WDR70: variants seen among roughly 807,000 people sequenced by gnomAD.
WDR70 encodes WD repeat-containing protein 70.
WDR70 carries 53 observed loss-of-function variants against 88.6 expected under a neutral mutation model. The ratio of observed to expected loss-of-function variants is 0.60; its 90% CI spans 0.48 to 0.75. WDR70 has a LOEUF of 0.75. WDR70 is among the 30% of genes least tolerant of loss of function. The probability of loss-of-function intolerance (pLI) is 0.00; values close to 1 mark genes in which losing one functional copy is unlikely to be tolerated. For synonymous variants in WDR70, 280 were observed against 270.0 expected (o/e 1.04, Z -0.36); for missense variants, 610 against 823.2 (o/e 0.74, Z 3.17).
At chr5:37,504,849 T>C (rs1740512430) in intron 8 of WDR70, among the ~76,000 whole-genome samples, 2 of 152,220 alleles carry the variant, frequency 1.3e-5, no homozygotes, top group African/African-American at 4.8e-5. Flanking sequence ...AGAACCCATT[T>C]GGACACAGCT....
chr5:37,521,500 TCCC>T (rs1216445429), intron 9 of WDR70, among the ~76,000 whole-genome samples: 1 of 152,084 alleles, frequency 6.6e-6, no homozygotes, highest in African/African-American at 2.4e-5. Context: ...CGCCACCGTT[TCCC>T]CCAAGTCCCC....
At chr5:37,707,531 A>G (rs1317957396) in intron 13 of WDR70, among the ~76,000 whole-genome samples, 1 of 152,226 alleles carries the variant, frequency 6.6e-6, no homozygotes, top group Non-Finnish European at 1.5e-5. Context: ...CTGCTATAAC[A>G]TCTAGCATAA....
intron 8 of WDR70, among the ~76,000 whole-genome samples, chr5:37,490,031 G>T (rs1740018896): frequency 6.6e-6 from 1 of 152,062 alleles, no homozygotes; most frequent in South Asian, 2.1e-4. Flanking sequence ...TGGGACGGGG[G>T]CAATTCCTAG....
At chr5:37,468,805 A>C (rs1301987602) in intron 7 of WDR70, among the ~76,000 whole-genome samples, 1 of 152,230 alleles carries the variant, frequency 6.6e-6, no homozygotes, top group East Asian at 1.9e-4. Flanking sequence ...TCCTTACACA[A>C]TATAGTACAA....
At chr5:37,392,624 G>T (rs776160482) in intron 4 of WDR70, among the ~76,000 whole-genome samples, 3 of 152,114 alleles carry the variant, frequency 2.0e-5, no homozygotes, top group African/African-American at 7.2e-5. Context: ...GATAACAGGT[G>T]TCAGCTACTG....
intron 5 of WDR70, among the ~76,000 whole-genome samples, chr5:37,425,907 A>G (rs1254979976): frequency 6.6e-6 from 1 of 152,202 alleles, no homozygotes; most frequent in Non-Finnish European, 1.5e-5. Flanking sequence ...GTGATAGGGA[A>G]GATTGTAAAT....
At chr5:37,549,185 A>G (rs1742075073) in intron 9 of WDR70, among the ~76,000 whole-genome samples, 1 of 152,196 alleles carries the variant, frequency 6.6e-6, no homozygotes, top group Non-Finnish European at 1.5e-5. Context: ...TGTCATTGGT[A>G]TTTCGATAGG....
intron 9 of WDR70, among the ~76,000 whole-genome samples, chr5:37,527,099 A>G (rs1230284485): frequency 6.6e-6 from 1 of 152,080 alleles, no homozygotes; most frequent in Non-Finnish European, 1.5e-5. Context: ...CAAGCTACCA[A>G]TGACTTTCTT....
chr5:37,555,811 T>C (rs771887286), intron 9 of WDR70, among the ~76,000 whole-genome samples: 7 of 152,122 alleles, frequency 4.6e-5, no homozygotes, highest in South Asian at 2.1e-4. Context: ...CTCCACCTCC[T>C]GGGTTCAAGC....
chr5:37,746,369 A>G (rs1748637834), intron 17 of WDR70, among the ~76,000 whole-genome samples: 1 of 152,214 alleles, frequency 6.6e-6, no homozygotes, highest in South Asian at 2.1e-4. Context: ...TAAAAGAGCT[A>G]GAGCGGCAAG....
intron 10 of WDR70, among the ~76,000 whole-genome samples, chr5:37,671,040 T>C (rs770107716): frequency 2.0e-5 from 3 of 152,224 alleles, no homozygotes; most frequent in Non-Finnish European, 4.4e-5. Flanking sequence ...ATTTTTTAAA[T>C]CTTGGCATAT....
chr5:37,526,252 G>T (rs139020677), intron 9 of WDR70, among the ~76,000 whole-genome samples: 73 of 152,194 alleles, frequency 4.8e-4, no homozygotes, highest in Non-Finnish European at 8.5e-4. Context: ...CTGACAAACC[G>T]AATCCAGCAG....
intron 9 of WDR70, among the ~76,000 whole-genome samples, chr5:37,587,465 G>A (rs1460548198): frequency 2.0e-5 from 3 of 151,500 alleles, no homozygotes; most frequent in African/African-American, 4.9e-5. Flanking sequence ...TCTCTAGTCT[G>A]TAAATTTCAG....
chr5:37,674,193 C>G (rs1399795578), intron 10 of WDR70, among the ~76,000 whole-genome samples: 1 of 152,028 alleles, frequency 6.6e-6, no homozygotes, highest in Non-Finnish European at 1.5e-5. Context: ...GGAATTGCCA[C>G]ACTGTCTTCC....
At chr5:37,545,911 A>G (rs1741978102) in intron 9 of WDR70, among the ~76,000 whole-genome samples, 2 of 152,192 alleles carry the variant, frequency 1.3e-5, no homozygotes, top group African/African-American at 2.4e-5. Context: ...TATTGTGTTT[A>G]CTGGTGACAT....
chr5:37,668,904 G>A (rs577928856), intron 10 of WDR70, among the ~76,000 whole-genome samples: 1 of 152,326 alleles, frequency 6.6e-6, no homozygotes, highest in Admixed American at 6.5e-5. Flanking sequence ...CCCAGTGGTT[G>A]CAATAGTGAA....
intron 17 of WDR70, among the ~76,000 whole-genome samples, chr5:37,742,543 G>A (rs1431855839): frequency 1.3e-5 from 2 of 152,026 alleles, no homozygotes; most frequent in East Asian, 3.8e-4. Context: ...TTTTCACTCT[G>A]TCAGTTGTGT....
intron 9 of WDR70, among the ~76,000 whole-genome samples, chr5:37,582,328 T>C (rs1404454713): frequency 2.0e-5 from 3 of 152,226 alleles, no homozygotes; most frequent in African/African-American, 7.2e-5. Context: ...GTGTATTGAT[T>C]ACAGCCTCTG....
intron 6 of WDR70, among the ~76,000 whole-genome samples, chr5:37,440,251 CT>C (rs982807508): frequency 1.2e-4 from 18 of 152,234 alleles, no homozygotes; most frequent in African/African-American, 4.1e-4. Context: ...ATGATAAAGT[CT>C]AAAGCTTTTT....
Sources: gnomAD v4.1 joint callset for allele counts (sites outside exome capture counted in the v4.1 genomes callset) on GRCh38, gnomAD v4.1.1 for gene constraint, MANE v1.5 for transcripts, NCBI Gene and HGNC (gene_info 2026-07-23, HGNC 2026-07-21) for gene names.